Variants in SYT6 observed in about 807,000 individuals in gnomAD.
The protein encoded by SYT6 is synaptotagmin 6, also known as synaptotagmin-6.
Under a neutral mutation model 38.4 loss-of-function variants are expected in SYT6, and 24 were observed. That is an observed-to-expected ratio of 0.62 (90% CI 0.45 to 0.88). The LOEUF (loss-of-function observed/expected upper bound fraction) is 0.88, where lower values mean the gene tolerates loss of function less well. SYT6 is among the 40% of genes least tolerant of loss of function. The probability of loss-of-function intolerance (pLI) is 0.00; values close to 1 mark genes in which losing one functional copy is unlikely to be tolerated. For missense variants in SYT6, 611 were observed against 621.0 expected (o/e 0.98, Z 0.17); for synonymous variants, 265 against 241.9 (o/e 1.10, Z -0.89).
At chr1:114,121,145 C>A (rs1298254596) in intron 3 of SYT6, among the ~76,000 whole-genome samples, 1 of 152,218 alleles carries the variant, frequency 6.6e-6, no homozygotes, top group Non-Finnish European at 1.5e-5. Context: ...TCAACCTCAT[C>A]ATCTGAGAAG....
chr1:114,105,623 C>T (rs144938159), intron 3 of SYT6, among the ~76,000 whole-genome samples: 149 of 152,286 alleles, frequency 9.8e-4, no homozygotes, highest in Non-Finnish European at 1.1e-3. Flanking sequence ...CCCTGTGAAG[C>T]GCCTCCATGA....
intron 3 of SYT6, among the ~76,000 whole-genome samples, chr1:114,128,280 C>CA (rs1221350198): frequency 6.6e-6 from 1 of 152,200 alleles, no homozygotes; most frequent in African/African-American, 2.4e-5. Flanking sequence ...GGAGTCCAGA[C>CA]ACTTGGGAAT....
intron 3 of SYT6, among the ~76,000 whole-genome samples, chr1:114,106,261 C>G (rs1676307640): frequency 6.6e-6 from 1 of 151,952 alleles, no homozygotes; most frequent in South Asian, 2.1e-4. Flanking sequence ...AGGAACCAAC[C>G]CATTGCACAT....
At chr1:114,141,490 G>C (rs1056722463) in intron 1 of SYT6, among the ~76,000 whole-genome samples, 1 of 152,220 alleles carries the variant, frequency 6.6e-6, no homozygotes, top group Non-Finnish European at 1.5e-5. Flanking sequence ...ATCTAGCAGA[G>C]GTTGGTTCTT....
chr1:114,095,774 C>T (rs1436242749), intron 6 of SYT6, among the ~76,000 whole-genome samples: 1 of 152,166 alleles, frequency 6.6e-6, no homozygotes, highest in Admixed American at 6.5e-5. Context: ...CATTCTCCTG[C>T]CTCAGCCTCC....
rs113585342 is a variant in SYT6, at chr1:114,142,073, C to T, written c.164-2110G>A. Among the ~76,000 whole-genome samples, 1,060 of 152,298 alleles carry T rather than the reference C, an allele frequency of 7.0e-3. 15 individuals are homozygous for T. Among genetic ancestry groups the T allele is most frequent in the African/African-American group, 0.024 (999 of 41,560 alleles). On this transcript the variant is annotated intron_variant, in intron 1 of 7. Coordinates refer to ENST00000610222, the MANE Select transcript of SYT6 (RefSeq NM_001253772.2). ...GTTGTTTTCATGCCAGCTAAAACAACGTCCATTCTGCAGCCCATGGATCAA... is the reference window on the plus strand; with the variant it reads ...GTTGTTTTCATGCCAGCTAAAACAATGTCCATTCTGCAGCCCATGGATCAA...
At chr1:114,144,457 C>T (rs1571900200) in intron 1 of SYT6, among the ~76,000 whole-genome samples, 1 of 152,148 alleles carries the variant, frequency 6.6e-6, no homozygotes, top group East Asian at 1.9e-4. Context: ...GTCCAGATGT[C>T]CACCACCCAG....
At chr1:114,129,613 T>TTTCTTTCTTTCTTTCTTTCC in intron 3 of SYT6, among the ~76,000 whole-genome samples, 1 of 68,034 alleles carries the variant, frequency 1.5e-5, no homozygotes, top group East Asian at 4.0e-4. Flanking sequence ...TCTTTCTTTC[T>TTTCTTTCTTTCTTTCTTTCC]TTCCTTTCTT....
At chr1:114,128,200 G>T (rs1227595718) in intron 3 of SYT6, among the ~76,000 whole-genome samples, 1 of 152,222 alleles carries the variant, frequency 6.6e-6, no homozygotes, top group Non-Finnish European at 1.5e-5. Context: ...GTGTAACCCT[G>T]ATTTGCCCTG....
intron 6 of SYT6, among the ~76,000 whole-genome samples, chr1:114,096,446 C>T (rs1675646234): frequency 6.6e-6 from 1 of 152,214 alleles, no homozygotes; most frequent in South Asian, 2.1e-4. Flanking sequence ...AGGGCAGGAG[C>T]TGCACAGAGC....
At chr1:114,147,130 A>G (rs1052209502) in intron 1 of SYT6, among the ~76,000 whole-genome samples, 2 of 152,234 alleles carry the variant, frequency 1.3e-5, no homozygotes, top group African/African-American at 4.8e-5. Flanking sequence ...CAGAAATAAT[A>G]TAATGGTTTT....
At chr1:114,131,853 C>T (rs1678177392) in intron 3 of SYT6, among the ~76,000 whole-genome samples, 1 of 152,110 alleles carries the variant, frequency 6.6e-6, no homozygotes, top group African/African-American at 2.4e-5. Context: ...CAGAAATGAC[C>T]AGATTTTGAG....
chr1:114,129,509 C>T (rs759337260), intron 3 of SYT6, among the ~76,000 whole-genome samples: 9 of 152,208 alleles, frequency 5.9e-5, no homozygotes, highest in Middle Eastern at 3.4e-3. Flanking sequence ...GGTCCTCTTG[C>T]TGTTCTTTGT....
At chr1:114,094,014 G>A (rs901500669) in intron 6 of SYT6, among the ~76,000 whole-genome samples, 10 of 152,150 alleles carry the variant, frequency 6.6e-5, no homozygotes, top group Admixed American at 5.2e-4. Flanking sequence ...GAGTAAGCAT[G>A]CCACTTAAAC....
intron 3 of SYT6, 43 bp from the exon 4 acceptor site, chr1:114,103,764 C>A (rs932008801): frequency 2.5e-6 from 4 of 1,595,986 alleles, no homozygotes; most frequent in Non-Finnish European, 3.4e-6. Context: ...GGCTTGCAGA[C>A]CATGGGCCTC....
intron 6 of SYT6, among the ~76,000 whole-genome samples, chr1:114,095,237 T>C (rs1675562312): frequency 6.6e-6 from 1 of 152,270 alleles, no homozygotes; most frequent in Non-Finnish European, 1.5e-5. Flanking sequence ...CATTACTGTC[T>C]CATCAAATAT....
chr1:114,129,624 T>TCTTTCTTTC (rs1557756349), intron 3 of SYT6, among the ~76,000 whole-genome samples: 11 of 104,358 alleles, frequency 1.1e-4, no homozygotes, highest in South Asian at 3.7e-4. Context: ...TTCCTTTCTT[T>TCTTTCTTTC]CTTTCTTTCT....
rs1315445226 is a variant in SYT6, at chr1:114,137,423, G to T, written c.1071+72C>A. ...GGCCCATTTGTCTCTAGGAAGTGAG[G>T]GTTTGGGGACATGTCCCACCCAACC... On this transcript the variant is annotated intron_variant, in intron 3 of 7. Transcript: ENST00000610222. 9 of 1,515,340 alleles carry T rather than the reference G, an allele frequency of 5.9e-6. No homozygotes were observed. In the East Asian group the frequency reaches 6.8e-5, roughly 11 times the overall value. 93.9% of individuals were successfully genotyped at this position (1,515,340 alleles called of 1,614,324 possible). A position where few individuals can be genotyped will look rare whatever the true frequency, so the allele number is the denominator to read the frequency against.
At chr1:114,129,272 T>G (rs1428173266) in intron 3 of SYT6, among the ~76,000 whole-genome samples, 1 of 152,254 alleles carries the variant, frequency 6.6e-6, no homozygotes, top group African/African-American at 2.4e-5. Flanking sequence ...CAACCTATTT[T>G]CATCTCTTTT....
Sources: allele counts gnomAD v4.1 joint callset (sites outside exome capture counted in the v4.1 genomes callset), GRCh38; gene constraint gnomAD v4.1.1; transcripts MANE v1.5; gene names NCBI Gene and HGNC (gene_info 2026-07-23, HGNC 2026-07-21).